L3MBTL1: variants seen among roughly 807,000 people sequenced by gnomAD.
L3MBTL1 encodes the protein lethal(3)malignant brain tumor-like protein 1.
A neutral mutation model predicts 105.3 loss-of-function variants in L3MBTL1; 75 were observed. That is an observed-to-expected ratio of 0.71 (90% confidence interval 0.59 to 0.86). The LOEUF (loss-of-function observed/expected upper bound fraction) is 0.86, where lower values mean the gene tolerates loss of function less well. L3MBTL1 is among the 40% of genes least tolerant of loss of function. L3MBTL1 has a pLI of 0.00. For missense variants in L3MBTL1, 1,069 were observed against 1,126.4 expected (o/e 0.95, Z 0.73); for synonymous variants, 452 against 436.2 (o/e 1.04, Z -0.45).
chr20:43,515,049 C>A lies in L3MBTL1; in HGVS notation c.543C>A (p.Asp181Glu), dbSNP rs781156917. 2 of 1,613,886 alleles carry A rather than the reference C, an allele frequency of 1.2e-6. No homozygotes were observed. The highest frequency in any genetic ancestry group is 1.3e-5 in the African/African-American group (1 of 74,910). The change falls in exon 5 of 22, where the codon GAC (aspartate) becomes GAA (glutamate). Residue 181 changes from aspartate (D) to glutamate (E), a missense_variant. Physicochemically the swap from Asp to Glu is conservative, Grantham distance 45 (BLOSUM62 2). Coordinates refer to ENST00000418998, the MANE Select transcript of L3MBTL1 (RefSeq NM_001377303.1). Reference sequence around the variant, plus strand: ...ATCCTCCAGAAGATCCCAATCAGGACCCCCCAGAGGATGATAGCACCTGTC... The same window carrying A: ...ATCCTCCAGAAGATCCCAATCAGGAACCCCCAGAGGATGATAGCACCTGTC... ...PQNPPEDPNQ[D>E]PPEDDSTCQC...
chr20:43,517,122 G>A (rs1335675372), intron 7 of L3MBTL1, among the ~76,000 whole-genome samples: 1 of 149,454 alleles, frequency 6.7e-6, no homozygotes, highest in Non-Finnish European at 1.5e-5. Flanking sequence ...TCTTTGAGAC[G>A]GAGTTTCACT....
Position 43,514,694 on chromosome 20 carries a change from C to T in L3MBTL1, c.420C>T (p.Pro140=), listed in dbSNP as rs773940418. 2 of 1,586,010 alleles carry T rather than the reference C, an allele frequency of 1.3e-6. No homozygotes were observed. The highest frequency in any genetic ancestry group is 1.8e-5 in the Admixed American group (1 of 54,704). ...NMAGVEQPPS[P]ELRQEGVTEY... ...CGGGAGTGGAGCAGCCCCCGAGCCC[C>T]GAGCTGCGGCAGGAAGGCGTGACCG... Residue 140 remains proline, a synonymous_variant, in exon 4 of 22, where the codon CCC becomes CCT. Coordinates refer to ENST00000418998, the MANE Select transcript of L3MBTL1 (RefSeq NM_001377303.1).
chr20:43,547,993 A>C, intron 18 of L3MBTL1: 7 of 460,364 alleles, frequency 1.5e-5, no homozygotes, highest in South Asian at 2.6e-5. Flanking sequence ...TCTCCCGCAT[A>C]TCCTTTACTC....
rs578119331 is a variant in L3MBTL1 at position 43,529,331 on chromosome 20, A to G, written c.1019A>G (p.Gln340Arg). Residue 340 changes from glutamine (Q) to arginine (R), a missense_variant, in exon 9 of 22, where the codon CAA (glutamine) becomes CGA (arginine). Coordinates refer to ENST00000418998, the MANE Select transcript of L3MBTL1 (RefSeq NM_001377303.1). The stretch of plus-strand genomic sequence containing the variant: ...ATGAAGTTGGAAGGCATTGACCCTC[A>G]ACACCCGTCCATGTACTTCATCCTC... The part of the protein sequence containing the change: ...LGMKLEGIDP[Q>R]HPSMYFILTV... The G allele has an allele frequency of 7.4e-6, 12 of 1,613,196 alleles. No individual in the cohort carries two copies. In the Admixed American group the frequency reaches 1.0e-4, roughly 13 times the overall value.
chr20:43,547,150 G>A lies in L3MBTL1; in HGVS notation c.2125-961G>A, dbSNP rs1978660381. ...GACGGAGTCTCGCTCTGTCGCCCAG[G>A]CTGGAGTGCAGTGGCGCGATCTCGG... On this transcript the variant is annotated intron_variant, in intron 18 of 18. Transcript: ENST00000422861. Among the ~76,000 whole-genome samples, 7 of 146,608 alleles carry A rather than the reference G, an allele frequency of 4.8e-5. No homozygotes were observed. In the South Asian group the frequency reaches 1.3e-3, roughly 27 times the overall value.
chr20:43,534,960 ACT>A lies in L3MBTL1; in HGVS notation c.1825+21_1825+22del, dbSNP rs1204530417. On this transcript the variant is annotated intron_variant, in intron 16 of 21. Coordinates refer to ENST00000418998, the MANE Select transcript of L3MBTL1 (RefSeq NM_001377303.1). The stretch of plus-strand genomic sequence containing the variant: ...TCCTCTCGGTGTGTACCCCTAGGGC[ACT>A]CTGATCTTTTCCTTTCCCCCCAGGT... 6.5e-7 allele frequency: 1 copy of A among 1,529,444 alleles called. No homozygotes were observed. The highest frequency in any genetic ancestry group is 1.1e-5 in the South Asian group (1 of 87,474). 94.7% of individuals were successfully genotyped at this position (1,529,444 alleles called of 1,614,324 possible).
chr20:43,526,700 C>T (rs2019050824), intron 7 of L3MBTL1, among the ~76,000 whole-genome samples: 1 of 152,176 alleles, frequency 6.6e-6, no homozygotes. Flanking sequence ...TGGTTCATGC[C>T]TGTAATCCCA....
intron 8 of L3MBTL1, 36 bp from the exon 9 acceptor site, chr20:43,529,228 T>G: frequency 1.3e-6 from 2 of 1,519,920 alleles, no homozygotes; most frequent in African/African-American, 1.4e-5. Flanking sequence ...TAAGGCTGGA[T>G]GGAAGCTGGG....
chr20:43,540,824 C>T lies in L3MBTL1; in HGVS notation c.2394+9C>T, dbSNP rs780843365. On this transcript the variant is annotated intron_variant, in intron 21 of 21. Coordinates refer to ENST00000418998, the MANE Select transcript of L3MBTL1 (RefSeq NM_001377303.1). ...GCCTCTTCAAAGACGAGGTAAGGTG[C>T]AAGTGCAGAGTGGGAGACAGAGCCG... is the stretch of plus-strand genomic sequence containing the variant. 1.2e-6 allele frequency: 2 copies of T among 1,614,048 alleles called. No individual in the cohort carries two copies. The highest frequency in any genetic ancestry group is 1.7e-6 in the Non-Finnish European group (2 of 1,179,932).
intron 4 of L3MBTL1, 81 bp downstream of exon 4, chr20:43,514,857 G>A: frequency 6.8e-7 from 1 of 1,460,600 alleles, no homozygotes; most frequent in Non-Finnish European, 9.1e-7. Flanking sequence ...TTCGGGGGCG[G>A]GGCCCGGGGT....
chr20:43,532,653 C>T, intron 11 of L3MBTL1, 120 bp from the exon 12 acceptor site: 2 of 1,088,754 alleles, frequency 1.8e-6, no homozygotes, highest in Non-Finnish European at 2.7e-6. Context: ...TTTCTCCTTC[C>T]TTTCTCACTG....
At chr20:43,509,032 G>A (rs974586486) in intron 1 of L3MBTL1, among the ~76,000 whole-genome samples, 9 of 152,158 alleles carry the variant, frequency 5.9e-5, no homozygotes, top group African/African-American at 2.2e-4. Context: ...GTGTCCACCA[G>A]AAACCCAGAC....
In L3MBTL1 at chr20:43,541,742, A is replaced by C; in HGVS notation, c.*614A>C. The C allele has an allele frequency of 2.3e-6, 2 of 860,016 alleles. No individual in the cohort carries two copies. Among genetic ancestry groups the C allele is most frequent in the Non-Finnish European group, 2.8e-6 (2 of 714,438 alleles). 53.3% of individuals were successfully genotyped at this position (860,016 alleles called of 1,614,324 possible). ...TATGGGACCATGGTTTTAAATGTGG[A>C]ATCATTGACAGAAATGTCTTTATGT... On this transcript the variant is annotated 3_prime_UTR_variant, in exon 22 of 22. Coordinates refer to ENST00000418998, the MANE Select transcript of L3MBTL1 (RefSeq NM_001377303.1).
chr20:43,508,639 A>C (rs190278033), intron 1 of L3MBTL1, among the ~76,000 whole-genome samples: 1 of 152,260 alleles, frequency 6.6e-6, no homozygotes, highest in Non-Finnish European at 1.5e-5. Context: ...AGCATCTGCT[A>C]TGTGCACGGC....
chr20:43,534,657 G>A, intron 15 of L3MBTL1, 171 bp from the exon 16 acceptor site: 2 of 615,460 alleles, frequency 3.2e-6, no homozygotes, highest in Non-Finnish European at 5.7e-6. Context: ...AACTTAATGA[G>A]TGATGCCCTT....
chr20:43,541,001 AC>A lies in L3MBTL1; in HGVS notation c.2464del (p.Val823CysfsTer48), dbSNP rs2019888088. The A allele has an allele frequency of 3.7e-6, 6 of 1,614,104 alleles. No homozygotes were observed. The highest frequency in any genetic ancestry group is 5.1e-6 in the Non-Finnish European group (6 of 1,180,034). ...GTCTGGACTGTGGCCCAGCTTGGGG[AC>A]CTTGTGTGCTCAGATCATCTTCAGG... Reference protein sequence around the residue: ...TLVWTVAQLGDLVCSDHLQEG... With the variant: ...TLVWTVAQLGXLVCSDHLQEG... On this transcript the variant is annotated frameshift_variant, in exon 22 of 22. Transcript: ENST00000418998. LOFTEE classifies it low-confidence loss of function (END_TRUNC).
intron 20 of L3MBTL1, 37 bp from the exon 21 acceptor site, chr20:43,540,716 C>T (rs2019869975): frequency 1.2e-6 from 2 of 1,609,050 alleles, no homozygotes; most frequent in East Asian, 2.2e-5. Context: ...TGCCTAAGCT[C>T]TGTCCCCTGG....
At chr20:43,548,225 G>C in exon 19 of L3MBTL1, 1 of 1,304,172 alleles carries the variant, frequency 7.7e-7, no homozygotes, top group Non-Finnish European at 1.0e-6. Flanking sequence ...GTTCAAAAAC[G>C]CTGATGACAC....
At chr20:43,537,633 A>G (rs979614792) in intron 19 of L3MBTL1, among the ~76,000 whole-genome samples, 6 of 152,168 alleles carry the variant, frequency 3.9e-5, no homozygotes, top group African/African-American at 1.4e-4. Context: ...ATAGTGGCTG[A>G]GCCCTCCCCT....
Sources: allele counts gnomAD v4.1 joint callset (sites outside exome capture counted in the v4.1 genomes callset), GRCh38; gene constraint gnomAD v4.1.1; transcripts MANE v1.5; gene names NCBI Gene and HGNC (gene_info 2026-07-23, HGNC 2026-07-21).